Variants in SAMD12 observed in about 807,000 individuals in gnomAD.
The protein encoded by SAMD12 is sterile alpha motif domain containing 12, also known as sterile alpha motif domain-containing protein 12.
A neutral mutation model predicts 15.0 loss-of-function variants in SAMD12; 9 were observed. That is an observed-to-expected ratio of 0.60 (90% CI 0.36 to 1.05). The LOEUF is 1.05. Among genes scored for constraint, SAMD12 ranks in the 50% least tolerant of loss-of-function variants. SAMD12 has a pLI of 0.01. For missense variants in SAMD12, 230 were observed against 234.2 expected (o/e 0.98, Z 0.12); for synonymous variants, 86 against 90.1 (o/e 0.96, Z 0.25).
At chr8:118,424,991 G>A (rs190086294) in intron 3 of SAMD12, among the ~76,000 whole-genome samples, 2 of 151,468 alleles carry the variant, frequency 1.3e-5, no homozygotes, top group Admixed American at 6.6e-5. Flanking sequence ...CAGGCTGGAG[G>A]GCAGTGGTGG....
chr8:118,284,449 C>T (rs1813822879), intron 4 of SAMD12: 6 of 439,410 alleles, frequency 1.4e-5, no homozygotes, highest in Non-Finnish European at 2.7e-5. Context: ...CCTGATATAT[C>T]CCTGTCCCCT....
At chr8:118,181,408 TC>T in the SAMD12 span, among the ~76,000 whole-genome samples, 2 of 152,082 alleles carry the variant, frequency 1.3e-5, no homozygotes, top group African/African-American at 4.8e-5. Context: ...ACCTCAAAAT[TC>T]CATGAGATCC....
At chr8:118,268,615 G>A (rs1320029043) in intron 4 of SAMD12, among the ~76,000 whole-genome samples, 1 of 152,056 alleles carries the variant, frequency 6.6e-6, no homozygotes, top group Non-Finnish European at 1.5e-5. Context: ...GGGAGTTCAA[G>A]ACCAGCCTGG....
chr8:118,318,076 G>A (rs1029925437), intron 4 of SAMD12, among the ~76,000 whole-genome samples: 6 of 151,714 alleles, frequency 4.0e-5, no homozygotes, highest in Non-Finnish European at 7.4e-5. Context: ...GTGGTGAGAG[G>A]GGAATACTTA....
intron 4 of SAMD12, among the ~76,000 whole-genome samples, chr8:118,211,421 C>T (rs1350223923): frequency 1.3e-5 from 2 of 152,160 alleles, no homozygotes; most frequent in South Asian, 2.1e-4. Flanking sequence ...ATGGAGCTGG[C>T]CCAGACAGAG....
At chr8:118,287,379 C>T (rs1451614417) in intron 4 of SAMD12, among the ~76,000 whole-genome samples, 7 of 152,058 alleles carry the variant, frequency 4.6e-5, no homozygotes, top group Non-Finnish European at 8.8e-5. Context: ...CCCGCCTCGG[C>T]CTCCCAAAGG....
intron 2 of SAMD12, among the ~76,000 whole-genome samples, chr8:118,578,605 G>A (rs1211417422): frequency 6.6e-6 from 1 of 152,154 alleles, no homozygotes; most frequent in African/African-American, 2.4e-5. Context: ...TGCAATGGAA[G>A]GGAAAATGTA....
intron 4 of SAMD12, among the ~76,000 whole-genome samples, chr8:118,216,854 C>T (rs7819465): frequency 0.87 from 131,552 of 151,936 alleles, 58,125 homozygotes; most frequent in Non-Finnish European, 0.92. Flanking sequence ...ATATTAGCTG[C>T]GTATGAATGT....
chr8:118,216,473 C>T (rs563878704), intron 4 of SAMD12, among the ~76,000 whole-genome samples: 1 of 152,096 alleles, frequency 6.6e-6, no homozygotes, highest in South Asian at 2.1e-4. Flanking sequence ...TAATTAGATC[C>T]CATTTGTCAA....
At chr8:118,285,628 C>T (rs1813939552) in intron 4 of SAMD12, among the ~76,000 whole-genome samples, 1 of 152,168 alleles carries the variant, frequency 6.6e-6, no homozygotes, top group South Asian at 2.1e-4. Context: ...TGGACATGGG[C>T]TTTGGAAATA....
Position 118,269,210 on chromosome 8 carries a change from CTCTCTCTCTCTG to C in SAMD12, c.434-71490_434-71479del, listed in dbSNP as rs1250653688. 7.7e-5 allele frequency among the ~76,000 whole-genome samples: 9 copies of C among 117,554 alleles called. No homozygotes were observed. In the South Asian group the frequency reaches 1.2e-3, roughly 16 times the overall value. The allele number at this position is 117,554 out of a possible 152,430, so 77.1% of individuals were successfully genotyped here. On this transcript the variant is annotated intron_variant, in intron 4 of 4. Coordinates refer to the SAMD12 transcript ENST00000409003. Reference sequence around the variant, plus strand: ...TTGCTTTTGTTCTCTCTCTCTCTCTCTCTCTCTCTCTGTGTGTGTGTGTGTGTGTGTGTGTGT... The same window carrying C: ...TTGCTTTTGTTCTCTCTCTCTCTCTCTGTGTGTGTGTGTGTGTGTGTGTGT...
chr8:118,145,961 C>T, the SAMD12 span, among the ~76,000 whole-genome samples: 4 of 152,242 alleles, frequency 2.6e-5, no homozygotes, highest in South Asian at 8.3e-4. Flanking sequence ...AGCTAAATAG[C>T]CAGTTCTTTC....
chr8:118,363,131 G>T (rs1004991976), intron 4 of SAMD12, among the ~76,000 whole-genome samples: 1 of 152,122 alleles, frequency 6.6e-6, no homozygotes, highest in African/African-American at 2.4e-5. Context: ...ATGTATTTTT[G>T]AAATAAGAAA....
At chr8:118,157,635 G>A in the SAMD12 span, among the ~76,000 whole-genome samples, 3 of 152,164 alleles carry the variant, frequency 2.0e-5, no homozygotes, top group Admixed American at 1.3e-4. Flanking sequence ...GTGTGATAAA[G>A]CCCTGGCACA....
At chr8:118,403,030 A>G (rs1449364501) in intron 3 of SAMD12, among the ~76,000 whole-genome samples, 2 of 152,230 alleles carry the variant, frequency 1.3e-5, no homozygotes, top group Non-Finnish European at 2.9e-5. Context: ...ATCCCTGTCA[A>G]GAGTCTACCC....
chr8:118,151,652 C>A, the SAMD12 span, among the ~76,000 whole-genome samples: 1 of 151,652 alleles, frequency 6.6e-6, no homozygotes, highest in African/African-American at 2.4e-5. Context: ...CATGGTGAAA[C>A]CTCATCTCTA....
At chr8:118,529,515 A>C (rs368582746) in intron 2 of SAMD12, among the ~76,000 whole-genome samples, 17 of 152,160 alleles carry the variant, frequency 1.1e-4, no homozygotes, top group South Asian at 6.2e-4. Context: ...ATTGTACTCA[A>C]TGGGTAATTT....
At chr8:118,485,376 G>A (rs1824248127) in intron 2 of SAMD12, among the ~76,000 whole-genome samples, 1 of 152,206 alleles carries the variant, frequency 6.6e-6, no homozygotes, top group Non-Finnish European at 1.5e-5. Context: ...GAAGGAGGAA[G>A]AAAGACTAAG....
chr8:118,357,963 G>A (rs1460870689), intron 4 of SAMD12, among the ~76,000 whole-genome samples: 2 of 152,112 alleles, frequency 1.3e-5, no homozygotes, highest in East Asian at 1.9e-4. Flanking sequence ...GGGCAATGTA[G>A]TGAGACACCA....
Sources: allele counts gnomAD v4.1 joint callset (sites outside exome capture counted in the v4.1 genomes callset), GRCh38; gene constraint gnomAD v4.1.1; transcripts MANE v1.5; gene names NCBI Gene and HGNC (gene_info 2026-07-23, HGNC 2026-07-21).